The following ME3 variants were observed in gnomAD, a reference collection of about 807,000 sequenced individuals.
ME3 encodes malic enzyme 3.
ME3 carries 48 observed loss-of-function variants against 68.9 expected under a neutral mutation model. That is an observed-to-expected ratio of 0.70 (90% CI 0.55 to 0.89). ME3 has a LOEUF of 0.89. Ranked by LOEUF, ME3 falls within the 40% of genes least tolerant of loss-of-function variation. The pLI is 0.00. For synonymous variants in ME3, 320 were observed against 318.8 expected, an observed-to-expected ratio of 1.00 and a Z score of -0.04; for missense variants, 675 against 797.4, an observed-to-expected ratio of 0.85 and a Z score of 1.85.
chr11:86,577,922 A>G (rs1478929117), intron 2 of ME3, among the ~76,000 whole-genome samples: 2 of 152,208 alleles, frequency 1.3e-5, no homozygotes, highest in Non-Finnish European at 1.5e-5. Flanking sequence ...TAAATGCCAT[A>G]CAACAACATT....
intron 4 of ME3, among the ~76,000 whole-genome samples, chr11:86,535,498 C>T (rs1251779530): frequency 6.6e-6 from 1 of 152,124 alleles, no homozygotes; most frequent in Non-Finnish European, 1.5e-5. Context: ...TGATTTCTCC[C>T]CAGCTGATAG....
At chr11:86,574,112 T>C (rs1026206592) in intron 2 of ME3, among the ~76,000 whole-genome samples, 6 of 152,322 alleles carry the variant, frequency 3.9e-5, no homozygotes, top group Admixed American at 2.6e-4. Context: ...TCCTGGAACA[T>C]TTTATCAAGG....
At chr11:86,496,349 C>T (rs544844671) in intron 6 of ME3, among the ~76,000 whole-genome samples, 54 of 151,790 alleles carry the variant, frequency 3.6e-4, no homozygotes, top group African/African-American at 1.3e-3. Flanking sequence ...GAGGTTGCAG[C>T]GAGCCGAGAT....
At chr11:86,660,836 T>A (rs1296895000) in intron 2 of ME3, among the ~76,000 whole-genome samples, 1 of 149,798 alleles carries the variant, frequency 6.7e-6, no homozygotes, top group Non-Finnish European at 1.5e-5. Flanking sequence ...AGCAGAAAAC[T>A]CTCTTAAAGA....
chr11:86,592,646 A>C (rs948631806), intron 2 of ME3, among the ~76,000 whole-genome samples: 3 of 152,326 alleles, frequency 2.0e-5, no homozygotes, highest in East Asian at 3.9e-4. Context: ...TCCAGATCTG[A>C]AATTAAACCC....
intron 4 of ME3, among the ~76,000 whole-genome samples, chr11:86,533,459 A>T (rs1955407660): frequency 6.6e-6 from 1 of 152,196 alleles, no homozygotes. Flanking sequence ...AATAGAAAAT[A>T]TGAACAGATC....
intron 4 of ME3, among the ~76,000 whole-genome samples, chr11:86,544,917 G>A (rs768357283): frequency 1.3e-5 from 2 of 151,828 alleles, no homozygotes; most frequent in Non-Finnish European, 2.9e-5. Flanking sequence ...CATCCCTTTC[G>A]ATGAGGCAAA....
At chr11:86,612,770 T>G (rs778378838) in intron 2 of ME3, among the ~76,000 whole-genome samples, 2 of 152,248 alleles carry the variant, frequency 1.3e-5, no homozygotes, top group African/African-American at 4.8e-5. Flanking sequence ...GTTTTTTTCT[T>G]GTAAATTTGT....
intron 13 of ME3, among the ~76,000 whole-genome samples, chr11:86,444,273 T>G (rs1044307882): frequency 6.6e-6 from 1 of 152,026 alleles, no homozygotes; most frequent in African/African-American, 2.4e-5. Flanking sequence ...GACAAGAGAT[T>G]GAAAACAGCA....
chr11:86,547,256 A>AG (rs1451565592), intron 4 of ME3, among the ~76,000 whole-genome samples: 2 of 151,458 alleles, frequency 1.3e-5, no homozygotes, highest in African/African-American at 4.9e-5. Flanking sequence ...AAAAAAAAAA[A>AG]AAAAGAAAAT....
chr11:86,447,195 A>G, exon 12 of ME3: 2 of 1,614,066 alleles, frequency 1.2e-6, no homozygotes, highest in Non-Finnish European at 1.7e-6. Context: ...GGCTCCTGCG[A>G]TGGCAGCAAC....
At chr11:86,516,114 C>A (rs189087564) in intron 4 of ME3, among the ~76,000 whole-genome samples, 1 of 152,226 alleles carries the variant, frequency 6.6e-6, no homozygotes, top group East Asian at 1.9e-4. Context: ...TCATGGAAAT[C>A]TTGCTTTTAA....
chr11:86,624,561 C>T (rs748596039), intron 2 of ME3, among the ~76,000 whole-genome samples: 2 of 152,196 alleles, frequency 1.3e-5, no homozygotes, highest in Non-Finnish European at 2.9e-5. Flanking sequence ...ATTATAGGAA[C>T]ATCTGAGATA....
intron 2 of ME3, among the ~76,000 whole-genome samples, chr11:86,637,719 G>T (rs1944425367): frequency 6.6e-6 from 1 of 152,078 alleles, no homozygotes; most frequent in South Asian, 2.1e-4. Flanking sequence ...TTTTAAGAAG[G>T]GGAGTTCATG....
intron 2 of ME3, among the ~76,000 whole-genome samples, chr11:86,637,367 C>CAAAAAAAAAAA (rs1944401858): frequency 9.3e-6 from 1 of 107,014 alleles, no homozygotes. Context: ...AAAAAAAAAG[C>CAAAAAAAAAAA]AAAACTCATT....
rs183568066 is a variant in ME3 at position 86,618,161 on chromosome 11, A to G, written c.183+53601T>C. On this transcript the variant is annotated intron_variant, in intron 2 of 14. Coordinates refer to ENST00000543262, the Ensembl canonical transcript of ME3. ...TAAAAATACAAAAAATTTGCTGGGC[A>G]TGGTGGCACGCACCTATAACCCCAG... 1.1e-3 allele frequency among the ~76,000 whole-genome samples: 166 copies of G among 152,004 alleles called. 2 individuals are homozygous for G. The highest frequency in any genetic ancestry group is 3.9e-3 in the African/African-American group (161 of 41,496).
At chr11:86,653,428 A>G (rs1012249870) in intron 2 of ME3, among the ~76,000 whole-genome samples, 1 of 152,244 alleles carries the variant, frequency 6.6e-6, no homozygotes, top group Non-Finnish European at 1.5e-5. Flanking sequence ...ACTAGAACTC[A>G]GGATTAAGAA....
intron 7 of ME3, among the ~76,000 whole-genome samples, chr11:86,480,750 G>A (rs1007807825): frequency 6.6e-6 from 1 of 152,182 alleles, no homozygotes; most frequent in Non-Finnish European, 1.5e-5. Flanking sequence ...AGTTCCTCAG[G>A]GCAAAGGGGA....
chr11:86,651,374 C>T (rs1169215416), intron 2 of ME3, among the ~76,000 whole-genome samples: 6 of 152,182 alleles, frequency 3.9e-5, no homozygotes, highest in Non-Finnish European at 8.8e-5. Context: ...CTCACATGGC[C>T]GGGTACTCCT....
Sources: gnomAD v4.1 joint callset for allele counts (sites outside exome capture counted in the v4.1 genomes callset) on GRCh38, gnomAD v4.1.1 for gene constraint, MANE v1.5 for transcripts, NCBI Gene and HGNC (gene_info 2026-07-23, HGNC 2026-07-21) for gene names.